EYS: variants seen among roughly 807,000 people sequenced by gnomAD.
EYS encodes the protein protein eyes shut homolog.
Under a neutral mutation model 282.1 loss-of-function variants are expected in EYS, and 250 were observed. The ratio of observed to expected loss-of-function variants is 0.89; its 90% CI spans 0.80 to 0.98. The LOEUF is 0.98. Among genes scored for constraint, EYS ranks in the 50% least tolerant of loss-of-function variants. The probability of loss-of-function intolerance (pLI) is 0.00; values close to 1 mark genes in which losing one functional copy is unlikely to be tolerated. For missense variants in EYS, 4,016 were observed against 3,709.0 expected (o/e 1.08, Z -2.15); for synonymous variants, 1,355 against 1,282.9 (o/e 1.06, Z -1.20).
rs1766554133 is a variant in EYS, at chr6:65,402,556, C to T, written c.1106G>A (p.Ser369Asn). The T allele has an allele frequency of 1.3e-6, 2 of 1,576,596 alleles. No homozygotes were observed. Among genetic ancestry groups the T allele is most frequent in the Non-Finnish European group, 1.7e-6 (2 of 1,146,878 alleles). ...AAATGACTCACATGATGTTTGAATG[C>T]TCTTACAAAGCAAATCTGTAAATAT... The part of the protein sequence containing the change: ...SPIFTDLLCK[S>N]IQTSCESFPL... The change falls in exon 7 of 43, where the codon AGC becomes AAC. Residue 369 changes from serine (S) to asparagine (N), a missense_variant. Ser to Asn is a conservative substitution (Grantham distance 46). Transcript: ENST00000503581.
rs141879560 is a variant in EYS, at chr6:65,329,270, A to G, written c.1766+5710T>C. On this transcript the variant is annotated intron_variant, in intron 11 of 42. Coordinates refer to ENST00000503581, the MANE Select transcript of EYS (RefSeq NM_001142800.2). Reference sequence around the variant, plus strand: ...AATTTCAACCCATATGAAACTTGAAACTTTATTATTCAAAAATGCTTCATT... The same window carrying G: ...AATTTCAACCCATATGAAACTTGAAGCTTTATTATTCAAAAATGCTTCATT... The G allele has an allele frequency of 1.2e-3, 900 of 743,918 alleles. 5 individuals carry two copies. The African/African-American group carries it at 0.016, about 13-fold the overall frequency. The allele number at this position is 743,918 out of a possible 1,614,324, so 46.1% of individuals were successfully genotyped here.
At chr6:65,358,322 A>G (rs1200344921) in intron 8 of EYS, among the ~76,000 whole-genome samples, 4 of 151,986 alleles carry the variant, frequency 2.6e-5, no homozygotes, top group Non-Finnish European at 5.9e-5. Context: ...CTGAAATAGA[A>G]GTATGATTAT....
intron 22 of EYS, among the ~76,000 whole-genome samples, chr6:64,712,499 A>G (rs1286029405): frequency 1.3e-5 from 2 of 152,226 alleles, no homozygotes; most frequent in Non-Finnish European, 2.9e-5. Flanking sequence ...GCAACGAATT[A>G]GGATCCTGCA....
intron 5 of EYS, among the ~76,000 whole-genome samples, chr6:65,443,488 T>C (rs1314689522): frequency 1.3e-5 from 2 of 151,786 alleles, no homozygotes; most frequent in African/African-American, 4.8e-5. Context: ...TATACACATA[T>C]GCGCATATAC....
At chr6:64,939,949 A>T (rs2150092195) in intron 15 of EYS, among the ~76,000 whole-genome samples, 1 of 152,152 alleles carries the variant, frequency 6.6e-6, no homozygotes, top group East Asian at 1.9e-4. Context: ...ACATCACCCA[A>T]ACAAAAGACT....
intron 26 of EYS, among the ~76,000 whole-genome samples, chr6:64,458,643 A>G (rs1188534537): frequency 6.6e-6 from 1 of 151,886 alleles, no homozygotes; most frequent in African/African-American, 2.4e-5. Context: ...ATATGATTAT[A>G]TCTTTCAATA....
intron 35 of EYS, among the ~76,000 whole-genome samples, chr6:63,900,736 A>AT (rs955785449): frequency 6.6e-5 from 10 of 151,806 alleles, no homozygotes; most frequent in South Asian, 4.2e-4. Flanking sequence ...GAAAGCTCTG[A>AT]TTTTTTTTTC....
rs1769800972 is a variant in EYS, at chr6:64,313,300, C to T, written c.6079-6218G>A. ...GGATATCAGAGATTGAAGATCAACT[C>T]AATGAAATAAAGCAAGAAGACAAGA... On this transcript the variant is annotated intron_variant, in intron 29 of 42. Transcript: ENST00000503581. Among the ~76,000 whole-genome samples the T allele has an allele frequency of 3.3e-5, 5 of 151,758 alleles. No individual in the cohort carries two copies. In the South Asian group the frequency reaches 1.0e-3, roughly 32 times the overall value.
intron 15 of EYS, among the ~76,000 whole-genome samples, chr6:64,940,534 C>T (rs1229425867): frequency 6.6e-6 from 1 of 151,866 alleles, no homozygotes; most frequent in Non-Finnish European, 1.5e-5. Context: ...ATTATTTCTC[C>T]TAATATACAG....
intron 26 of EYS, among the ~76,000 whole-genome samples, chr6:64,452,899 A>T (rs1775411604): frequency 6.6e-6 from 1 of 152,244 alleles, no homozygotes; most frequent in South Asian, 2.1e-4. Flanking sequence ...CTGAAACCAT[A>T]AAAACCCTAT....
chr6:64,597,629 T>C (rs1300716207), intron 24 of EYS, among the ~76,000 whole-genome samples: 4 of 151,854 alleles, frequency 2.6e-5, no homozygotes, highest in Non-Finnish European at 5.9e-5. Context: ...TACCCACATG[T>C]TCTCAGTTAC....
chr6:63,930,981 C>A (rs1485055390), intron 35 of EYS, among the ~76,000 whole-genome samples: 1 of 152,180 alleles, frequency 6.6e-6, no homozygotes, highest in African/African-American at 2.4e-5. Context: ...GCAGCCCTTC[C>A]TTTGCCTTGC....
intron 12 of EYS, among the ~76,000 whole-genome samples, chr6:65,174,310 T>G (rs1358876671): frequency 6.6e-6 from 1 of 151,374 alleles, no homozygotes. Context: ...TCCACAAATA[T>G]TTCTCACTCT....
At chr6:63,847,303 C>T (rs569429694) in intron 36 of EYS, among the ~76,000 whole-genome samples, 1 of 152,300 alleles carries the variant, frequency 6.6e-6, no homozygotes, top group Admixed American at 6.5e-5. Flanking sequence ...ACTGGATAAT[C>T]TTAATGCAAT....
chr6:64,332,439 G>T (rs1313027228), intron 29 of EYS, among the ~76,000 whole-genome samples: 1 of 152,144 alleles, frequency 6.6e-6, no homozygotes, highest in Non-Finnish European at 1.5e-5. Context: ...ACTCTGTCTG[G>T]GTCAAATGAT....
At chr6:64,510,703 C>T (rs1777364439) in intron 26 of EYS, among the ~76,000 whole-genome samples, 1 of 152,118 alleles carries the variant, frequency 6.6e-6, no homozygotes, top group Admixed American at 6.5e-5. Context: ...AAATATTGGT[C>T]AACTACTTGG....
At chr6:63,729,304 A>G (rs1768719138) in intron 41 of EYS, among the ~76,000 whole-genome samples, 1 of 152,066 alleles carries the variant, frequency 6.6e-6, no homozygotes, top group South Asian at 2.1e-4. Context: ...TCTTTGACAG[A>G]TTAGTTTTTT....
intron 29 of EYS, among the ~76,000 whole-genome samples, chr6:64,315,102 G>A (rs961934336): frequency 6.6e-6 from 1 of 152,008 alleles, no homozygotes; most frequent in African/African-American, 2.4e-5. Context: ...TATCACCACC[G>A]ATTTCACAGA....
chr6:65,355,647 C>T (rs1439751138), intron 8 of EYS, among the ~76,000 whole-genome samples: 1 of 151,738 alleles, frequency 6.6e-6, no homozygotes, highest in African/African-American at 2.4e-5. Flanking sequence ...ACCAAATAAC[C>T]CAATTAAAAA....
Sources: allele counts gnomAD v4.1 joint callset (sites outside exome capture counted in the v4.1 genomes callset), GRCh38; gene constraint gnomAD v4.1.1; transcripts MANE v1.5; gene names NCBI Gene and HGNC (gene_info 2026-07-23, HGNC 2026-07-21).